Variants in RAB20 observed in about 807,000 individuals in gnomAD.
RAB20 encodes ras-related protein Rab-20.
A neutral mutation model predicts 3.7 loss-of-function variants in RAB20; 2 were observed. That is an observed-to-expected ratio of 0.54 (90% CI 0.22 to 1.69). RAB20 has a LOEUF of 1.69. Ranked by LOEUF, RAB20 falls within the 40% of genes most tolerant of loss-of-function variation. The pLI, the probability that RAB20 is intolerant of heterozygous loss-of-function variation, is 0.19. For missense variants in RAB20, 276 were observed against 311.9 expected, an observed-to-expected ratio of 0.88 and a Z score of 0.87; for synonymous variants, 126 against 130.8, an observed-to-expected ratio of 0.96 and a Z score of 0.25.
chr13:110,548,899 GGCACCCAGAA>G (rs1403126610), intron 1 of RAB20, among the ~76,000 whole-genome samples: 1 of 152,156 alleles, frequency 6.6e-6, no homozygotes, highest in Admixed American at 6.5e-5. Flanking sequence ...TGTGATGTCT[GGCACCCAGAA>G]GCATGATAAA....
chr13:110,553,841 C>T (rs958506465), intron 1 of RAB20, among the ~76,000 whole-genome samples: 7 of 152,210 alleles, frequency 4.6e-5, no homozygotes, highest in Non-Finnish European at 7.3e-5. Flanking sequence ...CCTGGCTGGG[C>T]GCAGTGGCTC....
At chr13:110,526,156 T>C (rs1594127561) in intron 1 of RAB20, among the ~76,000 whole-genome samples, 1 of 151,114 alleles carries the variant, frequency 6.6e-6, no homozygotes, top group Non-Finnish European at 1.5e-5. Flanking sequence ...TCCCGGGCCA[T>C]GCCCTTAGGC....
intron 1 of RAB20, among the ~76,000 whole-genome samples, chr13:110,542,311 A>C (rs1484655304): frequency 6.6e-6 from 1 of 152,178 alleles, no homozygotes; most frequent in African/African-American, 2.4e-5. Flanking sequence ...CATAGCTACC[A>C]TGGGTGTGCA....
chr13:110,525,110 G>A (rs1884404794), intron 1 of RAB20, among the ~76,000 whole-genome samples: 1 of 152,226 alleles, frequency 6.6e-6, no homozygotes. Flanking sequence ...TGCCTGGAGT[G>A]TGGGCATCTG....
chr13:110,552,107 G>A lies in RAB20; in HGVS notation c.172+9241C>T, dbSNP rs893494812. ...ATAAATAAATAAATAAGACGGGCGC[G>A]GTAGCTCACGCCTGTAATCCCAACA... On this transcript the variant is annotated intron_variant, in intron 1 of 1. Transcript: ENST00000267328. Among the ~76,000 whole-genome samples, 16 of 151,940 alleles carry A rather than the reference G, an allele frequency of 1.1e-4. No individual in the cohort carries two copies. In the South Asian group the frequency reaches 1.5e-3, roughly 14 times the overall value.
chr13:110,530,972 AT>A (rs1429140199), intron 1 of RAB20, among the ~76,000 whole-genome samples: 1 of 152,242 alleles, frequency 6.6e-6, no homozygotes, highest in African/African-American at 2.4e-5. Flanking sequence ...GGACTTCGTA[AT>A]TTATAGCAGG....
At chr13:110,556,514 T>C (rs1302278079) in intron 1 of RAB20, among the ~76,000 whole-genome samples, 2 of 152,144 alleles carry the variant, frequency 1.3e-5, no homozygotes, top group African/African-American at 4.8e-5. Context: ...TTAAAGACAA[T>C]ATATCTATGG....
intron 1 of RAB20, among the ~76,000 whole-genome samples, chr13:110,549,943 T>C (rs1969890): frequency 0.85 from 129,442 of 152,130 alleles, 56,379 homozygotes; most frequent in South Asian, 0.95. Flanking sequence ...GGGCTGGTCT[T>C]GAACTTCTGC....
At chr13:110,539,766 G>T (rs568334707) in intron 1 of RAB20, among the ~76,000 whole-genome samples, 93 of 152,036 alleles carry the variant, frequency 6.1e-4, no homozygotes, top group Non-Finnish European at 1.2e-3. Flanking sequence ...CACCATGTTG[G>T]CCAGGCTGGT....
chr13:110,532,640 A>T (rs1156822618), intron 1 of RAB20, among the ~76,000 whole-genome samples: 2 of 151,076 alleles, frequency 1.3e-5, no homozygotes, highest in Admixed American at 6.6e-5. Context: ...GACTCCCAAA[A>T]TGCTGGGATT....
At chr13:110,532,247 C>T (rs1368506130) in intron 1 of RAB20, among the ~76,000 whole-genome samples, 4 of 152,042 alleles carry the variant, frequency 2.6e-5, no homozygotes, top group Admixed American at 6.6e-5. Flanking sequence ...AGCAATTTAC[C>T]CAGTGAAAGT....
chr13:110,532,465 G>A (rs1323599575), intron 1 of RAB20, among the ~76,000 whole-genome samples: 4 of 151,084 alleles, frequency 2.6e-5, no homozygotes, highest in Non-Finnish European at 4.4e-5. Context: ...CAAACTCCAC[G>A]TCCAGGGTTC....
chr13:110,529,768 C>T (rs1167182688), intron 1 of RAB20, among the ~76,000 whole-genome samples: 3 of 152,236 alleles, frequency 2.0e-5, no homozygotes, highest in East Asian at 3.9e-4. Flanking sequence ...CAGACTCTCC[C>T]GCCTTTTTGC....
chr13:110,551,624 T>C lies in RAB20; in HGVS notation c.172+9724A>G, dbSNP rs538771234. Among the ~76,000 whole-genome samples, 203 of 152,280 alleles carry C rather than the reference T, an allele frequency of 1.3e-3. 1 individual carries two copies. The highest frequency in any genetic ancestry group is 4.7e-3 in the African/African-American group (197 of 41,558). On this transcript the variant is annotated intron_variant, in intron 1 of 1. Coordinates refer to ENST00000267328, the MANE Select transcript of RAB20 (RefSeq NM_017817.3). ...CCAGCGTTCGCGGCCAGCTGGACCA[T>C]GGAACTCTGTCGTCGCAGTGATGAA... is the stretch of plus-strand genomic sequence containing the variant.
chr13:110,524,848 C>A (rs767027245), intron 1 of RAB20, among the ~76,000 whole-genome samples: 3 of 152,212 alleles, frequency 2.0e-5, no homozygotes, highest in Non-Finnish European at 1.5e-5. Flanking sequence ...ACGCTGGAAT[C>A]GGAATCCCTG....
At chr13:110,553,779 C>T (rs1884995665) in intron 1 of RAB20, among the ~76,000 whole-genome samples, 2 of 152,160 alleles carry the variant, frequency 1.3e-5, no homozygotes, top group African/African-American at 4.8e-5. Flanking sequence ...CCTCTCCCGA[C>T]TGAGGCTAAA....
intron 1 of RAB20, among the ~76,000 whole-genome samples, chr13:110,547,941 G>A (rs890464281): frequency 6.6e-6 from 1 of 152,122 alleles, no homozygotes; most frequent in African/African-American, 2.4e-5. Context: ...TAAAATATAG[G>A]TAAGCATTTC....
At chr13:110,525,135 C>T (rs1566582171) in intron 1 of RAB20, among the ~76,000 whole-genome samples, 1 of 152,220 alleles carries the variant, frequency 6.6e-6, no homozygotes, top group African/African-American at 2.4e-5. Context: ...CCCCGTGCCC[C>T]CAGCACTTCA....
In RAB20 at chr13:110,536,585, T is replaced by C. The variant is rs936576160; in HGVS notation, c.173-12388A>G. On this transcript the variant is annotated intron_variant, in intron 1 of 1. Transcript: ENST00000267328. Reference sequence around the variant, plus strand: ...TCAGTGAGGATGGGCCGGAGAACACTGAACTCAGACAACCAGAGTTCAGAG... The same window carrying C: ...TCAGTGAGGATGGGCCGGAGAACACCGAACTCAGACAACCAGAGTTCAGAG... 5.3e-5 allele frequency among the ~76,000 whole-genome samples: 8 copies of C among 152,082 alleles called. No individual in the cohort carries two copies. In the South Asian group the frequency reaches 8.3e-4, roughly 16 times the overall value.
Sources: allele counts gnomAD v4.1 joint callset (sites outside exome capture counted in the v4.1 genomes callset), GRCh38; gene constraint gnomAD v4.1.1; transcripts MANE v1.5; gene names NCBI Gene and HGNC (gene_info 2026-07-23, HGNC 2026-07-21).